CUBN: variants seen among roughly 807,000 people sequenced by gnomAD.
The protein encoded by CUBN is cubilin, also known as 460 kDa receptor.
CUBN carries 282 observed loss-of-function variants against 405.3 expected under a neutral mutation model. The observed-to-expected ratio is 0.70, with a 90% CI of 0.63 to 0.77. The LOEUF (loss-of-function observed/expected upper bound fraction) is 0.77, where lower values mean the gene tolerates loss of function less well. Ranked by LOEUF, CUBN falls within the 30% of genes least tolerant of loss-of-function variation. The pLI is 0.00. For synonymous variants in CUBN, 1,684 were observed against 1,617.0 expected (o/e 1.04, Z -0.99); for missense variants, 4,514 against 4,475.2 (o/e 1.01, Z -0.25).
chr10:17,071,412 T>G lies in CUBN; in HGVS notation c.2625+14A>C, dbSNP rs771053499. 47 of 1,613,126 alleles carry G rather than the reference T, an allele frequency of 2.9e-5. No individual in the cohort carries two copies. The highest frequency in any genetic ancestry group is 3.5e-5 in the Non-Finnish European group (41 of 1,179,380). ...TACAACCAAATACAAATTCAAAGAT[T>G]TTTTCCCTCTTACCTCAACATAATC... On this transcript the variant is annotated intron_variant, in intron 19 of 66. Transcript: ENST00000377833.
chr10:17,080,607 G>C (rs1435540868), intron 17 of CUBN, among the ~76,000 whole-genome samples: 3 of 152,144 alleles, frequency 2.0e-5, no homozygotes, highest in African/African-American at 7.2e-5. Flanking sequence ...TTTGGGATTG[G>C]TCAAGGAGAT....
chr10:16,904,732 T>C (rs528671518), intron 50 of CUBN, among the ~76,000 whole-genome samples: 1 of 152,376 alleles, frequency 6.6e-6, no homozygotes, highest in Non-Finnish European at 1.5e-5. Flanking sequence ...CAATGATATA[T>C]AGTATTTTAA....
chr10:16,935,772 T>C (rs1481233872), intron 39 of CUBN, among the ~76,000 whole-genome samples: 1 of 145,404 alleles, frequency 6.9e-6, no homozygotes, highest in African/African-American at 2.6e-5. Context: ...CCTAGCTACT[T>C]GGGAGGCTGA....
chr10:16,883,688 C>T (rs1304440665), intron 56 of CUBN, among the ~76,000 whole-genome samples: 1 of 152,130 alleles, frequency 6.6e-6, no homozygotes, highest in South Asian at 2.1e-4. Flanking sequence ...TTCAGTTAAT[C>T]CAAGAGAATT....
chr10:16,967,440 G>A (rs147820068), intron 31 of CUBN, among the ~76,000 whole-genome samples: 1 of 152,268 alleles, frequency 6.6e-6, no homozygotes, highest in East Asian at 1.9e-4. Context: ...AACCAAACCC[G>A]TGTCCACAGA....
chr10:17,084,112 T>C (rs1836039792), intron 17 of CUBN, among the ~76,000 whole-genome samples, 159 bp downstream of exon 17: 2 of 152,216 alleles, frequency 1.3e-5, no homozygotes, highest in African/African-American at 4.8e-5. Context: ...CTTATTTGCC[T>C]GCACCTTAGT....
chr10:17,047,732 A>G, intron 22 of CUBN, 129 bp from the exon 23 acceptor site: 2 of 812,646 alleles, frequency 2.5e-6, no homozygotes, highest in Non-Finnish European at 1.9e-6. Context: ...GGAATGTGCA[A>G]ATAAAGACTT....
chr10:17,016,277 A>G (rs1284850712), intron 28 of CUBN, among the ~76,000 whole-genome samples: 1 of 152,176 alleles, frequency 6.6e-6, no homozygotes, highest in Non-Finnish European at 1.5e-5. Flanking sequence ...AGCACAGGTC[A>G]TTGGATGTTT....
chr10:16,826,084 G>C (rs1838773038), intron 66 of CUBN, among the ~76,000 whole-genome samples: 1 of 152,054 alleles, frequency 6.6e-6, no homozygotes, highest in Non-Finnish European at 1.5e-5. Flanking sequence ...GATTCTCCTT[G>C]TTTGTCCCGT....
chr10:17,063,010 C>G (rs1456290750), intron 22 of CUBN, among the ~76,000 whole-genome samples: 5 of 152,226 alleles, frequency 3.3e-5, no homozygotes, highest in African/African-American at 1.2e-4. Context: ...GCAGCTCACT[C>G]TGACTCTGGC....
intron 22 of CUBN, among the ~76,000 whole-genome samples, chr10:17,055,554 T>C (rs747763195): frequency 6.6e-6 from 1 of 152,108 alleles, no homozygotes; most frequent in Non-Finnish European, 1.5e-5. Context: ...AACTAATAAC[T>C]GAGTTAAACA....
intron 54 of CUBN, among the ~76,000 whole-genome samples, chr10:16,891,549 G>A (rs567120238): frequency 1.3e-5 from 2 of 152,094 alleles, no homozygotes; most frequent in Non-Finnish European, 2.9e-5. Context: ...CAAGAAGATT[G>A]GTTTTTGGAA....
At chr10:16,861,986 T>C (rs1260960070) in intron 59 of CUBN, among the ~76,000 whole-genome samples, 1 of 151,994 alleles carries the variant, frequency 6.6e-6, no homozygotes, top group Middle Eastern at 3.2e-3. Flanking sequence ...CCGTCTCCAC[T>C]AAAAATACAA....
Position 17,019,845 on chromosome 10 carries a change from A to G in CUBN, c.4156T>C (p.Trp1386Arg). The change falls in exon 28 of 67, where the codon TGG becomes CGG. Residue 1386 changes from tryptophan to arginine, a missense_variant. Coordinates refer to ENST00000377833, the MANE Select transcript of CUBN (RefSeq NM_001081.4). The stretch of plus-strand genomic sequence containing the variant: ...GCACCTGGCTTACCGTAAACAAACC[A>G]CTGCATCTGAAATCCTTTCTCACGG... ...GRREKGFQMQ[W>R]FVYGCGGELS... The G allele has an allele frequency of 1.2e-6, 2 of 1,614,132 alleles. No individual in the cohort carries two copies. Among genetic ancestry groups the G allele is most frequent in the Non-Finnish European group, 1.7e-6 (2 of 1,179,998 alleles).
intron 51 of CUBN, among the ~76,000 whole-genome samples, chr10:16,903,314 A>G (rs1420733997): frequency 6.6e-6 from 1 of 152,196 alleles, no homozygotes; most frequent in Non-Finnish European, 1.5e-5. Flanking sequence ...TTTATTGGAA[A>G]CTTAAGAGCA....
chr10:16,973,406 G>A (rs12249562), intron 31 of CUBN, among the ~76,000 whole-genome samples: 25,754 of 152,124 alleles, frequency 0.17, 2,323 homozygotes, highest in Middle Eastern at 0.23. Flanking sequence ...TATACTACGA[G>A]GAAGATTCGA....
intron 59 of CUBN, among the ~76,000 whole-genome samples, chr10:16,869,116 C>A (rs11591606): frequency 1.3e-5 from 2 of 151,280 alleles, no homozygotes; most frequent in African/African-American, 2.4e-5. Context: ...CTTCTTCCTT[C>A]CCATGTTGTA....
In CUBN at chr10:16,928,524, A is replaced by AC. The variant is rs375404995; in HGVS notation, c.6125-222dup. 1.9e-3 allele frequency among the ~76,000 whole-genome samples: 191 copies of AC among 99,678 alleles called. 1 individual carries two copies. The highest frequency in any genetic ancestry group is 6.6e-3 in the African/African-American group (160 of 24,154). The allele number at this position is 99,678 out of a possible 152,430, so 65.4% of individuals were successfully genotyped here. ...CTTTTCTTTACCCCCACCCCACCCCACCCCCCCCTTTTTTTTTTTTTTTGA... is the reference window on the plus strand; with the variant it reads ...CTTTTCTTTACCCCCACCCCACCCCACCCCCCCCCTTTTTTTTTTTTTTTGA... On this transcript the variant is annotated intron_variant, in intron 40 of 66. Coordinates refer to ENST00000377833, the MANE Select transcript of CUBN (RefSeq NM_001081.4).
At chr10:16,877,206 AT>A in intron 56 of CUBN, 109 bp from the exon 57 acceptor site, 2 of 941,620 alleles carry the variant, frequency 2.1e-6, no homozygotes. Flanking sequence ...TGCTATAAAA[AT>A]TAAAATGAGA....
Sources: gnomAD v4.1 joint callset for allele counts (sites outside exome capture counted in the v4.1 genomes callset) on GRCh38, gnomAD v4.1.1 for gene constraint, MANE v1.5 for transcripts, NCBI Gene and HGNC (gene_info 2026-07-23, HGNC 2026-07-21) for gene names.